The following POC1B variants were observed in gnomAD, a reference collection of about 807,000 sequenced individuals.
POC1B encodes POC1 centriolar protein B.
Under a neutral mutation model 60.6 loss-of-function variants are expected in POC1B, and 44 were observed. The observed-to-expected ratio is 0.73, with a 90% CI of 0.57 to 0.93. The LOEUF (loss-of-function observed/expected upper bound fraction) is 0.93. Among genes scored for constraint, POC1B ranks in the 40% least tolerant of loss-of-function variants. The pLI, the probability that POC1B is intolerant of heterozygous loss-of-function variation, is 0.00. For synonymous variants in POC1B, 180 were observed against 198.9 expected (o/e 0.90, Z 0.80); for missense variants, 555 against 572.3 (o/e 0.97, Z 0.31).
intron 9 of POC1B, among the ~76,000 whole-genome samples, chr12:89,462,086 C>T (rs1401542384): frequency 1.3e-5 from 2 of 151,994 alleles, no homozygotes; most frequent in South Asian, 2.1e-4. Context: ...AAATCCTTGA[C>T]CTACAAGTTG....
intron 4 of POC1B, among the ~76,000 whole-genome samples, chr12:89,481,077 T>C (rs891120324): frequency 2.0e-5 from 3 of 151,590 alleles, no homozygotes; most frequent in African/African-American, 7.3e-5. Flanking sequence ...TAGGGCCATG[T>C]TGGCCAGGCT....
intron 2 of POC1B, chr12:89,500,238 A>T: frequency 6.4e-7 from 1 of 1,572,812 alleles, no homozygotes; most frequent in Non-Finnish European, 8.7e-7. Context: ...AGTCTTGCCA[A>T]TGATTTTAGC....
At position 89,525,023 on chromosome 12, in the gene POC1B, T is replaced by TA. The variant is rs1846005088; in HGVS notation, c.100+96dup. On this transcript the variant is annotated intron_variant, in intron 2 of 11. Transcript: ENST00000313546. ...TGCTCTCAACCCTCATACAGGCCCTTAGCCGTTCTCCTAGGGACCCTGCCC... is the reference window on the plus strand; with the variant it reads ...TGCTCTCAACCCTCATACAGGCCCTTAAGCCGTTCTCCTAGGGACCCTGCCC... 15 of 1,543,504 alleles carry TA rather than the reference T, an allele frequency of 9.7e-6. No homozygotes were observed. The Admixed American group carries it at 2.6e-4, about 27-fold the overall frequency.
At chr12:89,436,658 G>A (rs1362599669) in intron 10 of POC1B, among the ~76,000 whole-genome samples, 1 of 151,566 alleles carries the variant, frequency 6.6e-6, no homozygotes, top group Non-Finnish European at 1.5e-5. Context: ...AGGTTGCAGT[G>A]AGCCGAGATC....
rs1882707942 is a variant in POC1B, at chr12:89,466,923, C to G, written c.880-1G>C. ...CAAAGTTAGTCCTCCATAATAAGACCTATGAAAAAAGTCAATGATGTTGGC... is the reference window on the plus strand; with the variant it reads ...CAAAGTTAGTCCTCCATAATAAGACGTATGAAAAAAGTCAATGATGTTGGC... On this transcript the variant is annotated splice_acceptor_variant, in intron 8 of 11. Transcript: ENST00000313546. LOFTEE classifies it high-confidence loss of function. 6.2e-7 allele frequency: 1 copy of G among 1,603,552 alleles called. No homozygotes were observed.
intron 10 of POC1B, chr12:89,428,018 G>A (rs1046448450): frequency 2.0e-5 from 3 of 152,122 alleles, no homozygotes; most frequent in African/African-American, 7.2e-5. Flanking sequence ...GACTAAAATG[G>A]GAGCACTGTA....
intron 7 of POC1B, 46 bp from the exon 8 acceptor site, chr12:89,467,731 T>C: frequency 7.0e-7 from 1 of 1,427,390 alleles, no homozygotes; most frequent in Admixed American, 1.8e-5. Context: ...TGGTAATGCT[T>C]TCTCATGGCC....
At chr12:89,517,725 G>A (rs1001798254) in intron 2 of POC1B, among the ~76,000 whole-genome samples, 5 of 151,950 alleles carry the variant, frequency 3.3e-5, no homozygotes, top group African/African-American at 9.7e-5. Context: ...AAATGGATTC[G>A]TGTTTACTTG....
At chr12:89,448,564 G>A (rs925547048) in intron 10 of POC1B, among the ~76,000 whole-genome samples, 1 of 152,186 alleles carries the variant, frequency 6.6e-6, no homozygotes, top group African/African-American at 2.4e-5. Flanking sequence ...AACCTGGGGA[G>A]AGCAATCAGT....
At chr12:89,409,647 C>G in the POC1B span, among the ~76,000 whole-genome samples, 2 of 152,286 alleles carry the variant, frequency 1.3e-5, no homozygotes, top group African/African-American at 2.4e-5. Flanking sequence ...GACAGAAACA[C>G]AAACTACCAT....
intron 10 of POC1B, among the ~76,000 whole-genome samples, 184 bp downstream of exon 10, chr12:89,459,454 C>G (rs1882389877): frequency 6.6e-6 from 1 of 151,332 alleles, no homozygotes; most frequent in African/African-American, 2.4e-5. Context: ...TTGCTGCTCC[C>G]CCCTTGTGGT....
intron 10 of POC1B, among the ~76,000 whole-genome samples, chr12:89,443,708 G>A (rs1479222869): frequency 6.6e-6 from 1 of 151,398 alleles, no homozygotes; most frequent in African/African-American, 2.4e-5. Flanking sequence ...AGAAGCAAGA[G>A]CAAACACATT....
At chr12:89,449,479 C>T (rs1288590859) in intron 10 of POC1B, among the ~76,000 whole-genome samples, 1 of 151,964 alleles carries the variant, frequency 6.6e-6, no homozygotes, top group Non-Finnish European at 1.5e-5. Context: ...GAAATACATA[C>T]AATTTTATGT....
chr12:89,491,624 CAA>C (rs1277603995), intron 4 of POC1B, among the ~76,000 whole-genome samples: 2 of 54,466 alleles, frequency 3.7e-5, no homozygotes, highest in Non-Finnish European at 3.6e-5. Flanking sequence ...GACCGTGTCT[CAA>C]AAAAAAAAAA....
intron 10 of POC1B, among the ~76,000 whole-genome samples, chr12:89,443,656 G>T (rs1380165771): frequency 3.3e-5 from 5 of 151,490 alleles, no homozygotes; most frequent in Non-Finnish European, 7.4e-5. Flanking sequence ...AAGCAGGAAA[G>T]ATCTAAAATT....
At chr12:89,455,091 T>G (rs930822132) in intron 10 of POC1B, among the ~76,000 whole-genome samples, 2 of 152,170 alleles carry the variant, frequency 1.3e-5, no homozygotes, top group East Asian at 3.9e-4. Flanking sequence ...CTCAGCACTT[T>G]GAGAGGCCGA....
At chr12:89,467,548 A>C in intron 8 of POC1B, 69 bp downstream of exon 8, 3 of 1,307,130 alleles carry the variant, frequency 2.3e-6, no homozygotes, top group Non-Finnish European at 3.2e-6. Flanking sequence ...CTGGTTGTAA[A>C]ACTCTTAGCT....
At position 89,466,851 on chromosome 12, in the gene POC1B, T is replaced by C. The variant is rs377341310; in HGVS notation, c.951A>G (p.Leu317=). Residue 317 remains leucine, a synonymous_variant, in exon 9 of 12, where the codon TTA becomes TTG. Coordinates refer to ENST00000313546, the MANE Select transcript of POC1B (RefSeq NM_172240.3). ...GAAGATGTGGTGGTGAATCAAAATG[T>C]AATCTTTTGAGATTTCTTTTGGTAA... ...KGLTKRNLKR[L]HFDSPPHLLD... The C allele has an allele frequency of 1.2e-6, 2 of 1,612,996 alleles. No homozygotes were observed. Among genetic ancestry groups the C allele is most frequent in the Non-Finnish European group, 1.7e-6 (2 of 1,179,226 alleles).
At chr12:89,513,916 T>C (rs1870309328) in intron 2 of POC1B, among the ~76,000 whole-genome samples, 1 of 152,162 alleles carries the variant, frequency 6.6e-6, no homozygotes, top group African/African-American at 2.4e-5. Context: ...AGCTTTATAG[T>C]TTTGGGCAAG....
Sources: gnomAD v4.1 joint callset for allele counts (sites outside exome capture counted in the v4.1 genomes callset) on GRCh38, gnomAD v4.1.1 for gene constraint, MANE v1.5 for transcripts, NCBI Gene and HGNC (gene_info 2026-07-23, HGNC 2026-07-21) for gene names.